AFTPH: variants seen among roughly 807,000 people sequenced by gnomAD.
AFTPH encodes the protein aftiphilin, also known as aftiphilin protein.
Under a neutral mutation model 72.5 loss-of-function variants are expected in AFTPH, and 7 were observed. The ratio of observed to expected loss-of-function variants is 0.10; its 90% CI spans 0.05 to 0.18. AFTPH has a LOEUF of 0.18. AFTPH is among the 10% of genes least tolerant of loss of function. The pLI is 1.00. For missense variants in AFTPH, 979 were observed against 1,060.5 expected, an observed-to-expected ratio of 0.92 and a Z score of 1.07; for synonymous variants, 337 against 370.1, an observed-to-expected ratio of 0.91 and a Z score of 1.03.
chr2:64,548,643 A>G (rs1306019419), intron 1 of AFTPH, among the ~76,000 whole-genome samples: 1 of 152,042 alleles, frequency 6.6e-6, no homozygotes, highest in Non-Finnish European at 1.5e-5. Context: ...TCCTTTCCCC[A>G]CATTCTCATT....
At chr2:64,538,979 G>A (rs1670046981) in intron 1 of AFTPH, among the ~76,000 whole-genome samples, 1 of 108,940 alleles carries the variant, frequency 9.2e-6, no homozygotes, top group Admixed American at 7.9e-5. Flanking sequence ...ACAGACTAGA[G>A]TGGTATTTTT....
At chr2:64,528,004 G>A (rs535207921) in intron 1 of AFTPH, among the ~76,000 whole-genome samples, 208 of 152,320 alleles carry the variant, frequency 1.4e-3, no homozygotes, top group African/African-American at 4.2e-3. Context: ...GGATAATTGA[G>A]AAGAAGAGGG....
At chr2:64,531,239 GTTGA>G (rs1277257573) in intron 1 of AFTPH, among the ~76,000 whole-genome samples, 2 of 152,018 alleles carry the variant, frequency 1.3e-5, no homozygotes, top group Admixed American at 6.6e-5. Context: ...TGACCTTATT[GTTGA>G]TTATTTTCAT....
At chr2:64,540,543 T>C (rs960146072) in intron 1 of AFTPH, among the ~76,000 whole-genome samples, 1 of 152,166 alleles carries the variant, frequency 6.6e-6, no homozygotes, top group African/African-American at 2.4e-5. Flanking sequence ...AAATTTTTCA[T>C]GGGAATTTTT....
intron 6 of AFTPH, among the ~76,000 whole-genome samples, chr2:64,575,782 AG>A (rs1306815497): frequency 2.7e-5 from 4 of 148,684 alleles, no homozygotes; most frequent in Non-Finnish European, 5.9e-5. Context: ...TCTGTCACCC[AG>A]GCTGGAGTGC....
intron 1 of AFTPH, among the ~76,000 whole-genome samples, chr2:64,548,417 A>AAAC (rs1423781243): frequency 6.7e-6 from 1 of 149,010 alleles, no homozygotes; most frequent in African/African-American, 2.4e-5. Flanking sequence ...GAAAAAAAAA[A>AAAC]AAAAAAAAAA....
intron 2 of AFTPH, among the ~76,000 whole-genome samples, chr2:64,562,127 T>C (rs981385284): frequency 1.3e-5 from 2 of 152,176 alleles, no homozygotes; most frequent in African/African-American, 4.8e-5. Flanking sequence ...GTAATACTTC[T>C]GGAGTTTCTT....
chr2:64,533,879 T>C (rs1161593144), intron 1 of AFTPH, among the ~76,000 whole-genome samples: 2 of 152,216 alleles, frequency 1.3e-5, no homozygotes, highest in East Asian at 3.8e-4. Context: ...GTAATAAAAG[T>C]GATCCTTCCT....
At chr2:64,551,903 T>C (rs200340381) in exon 2 of AFTPH, 161 of 1,613,578 alleles carry the variant, frequency 1.0e-4, no homozygotes, top group Non-Finnish European at 9.0e-5. Flanking sequence ...AGAGACAGAA[T>C]GTTGGAACAC....
chr2:64,592,307 T>G, exon 9 of AFTPH: 1 of 239,986 alleles, frequency 4.2e-6, no homozygotes, highest in Non-Finnish European at 8.0e-6. Flanking sequence ...CATTTATGTC[T>G]TTGTGAAATA....
chr2:64,525,421 C>T (rs1421815139), intron 1 of AFTPH: 1 of 154,178 alleles, frequency 6.5e-6, no homozygotes, highest in Non-Finnish European at 1.5e-5. Flanking sequence ...TGAATCTTTT[C>T]TGTTGGGGCC....
intron 1 of AFTPH, among the ~76,000 whole-genome samples, chr2:64,545,417 T>C: frequency 1.3e-5 from 2 of 150,388 alleles, no homozygotes; most frequent in Non-Finnish European, 3.0e-5. Context: ...TTATTATGTA[T>C]ATACTGTTTA....
rs531725435 is a variant in AFTPH, at chr2:64,582,924, G to C, written c.2456-2498G>C. ...GTACACAGCTGCGAGAAGAGCAAGC[G>C]GTTTCAGAAGCTTAGAGCTGTAATG... On this transcript the variant is annotated intron_variant, in intron 7 of 8. Coordinates refer to ENST00000238856, the Ensembl canonical transcript of AFTPH. 1.4e-3 allele frequency among the ~76,000 whole-genome samples: 210 copies of C among 152,262 alleles called. 9 individuals carry two copies. The South Asian group carries it at 0.043, about 31-fold the overall frequency.
chr2:64,540,029 G>T (rs1270618086), intron 1 of AFTPH, among the ~76,000 whole-genome samples: 2 of 152,176 alleles, frequency 1.3e-5, no homozygotes, highest in East Asian at 3.8e-4. Context: ...AAAAGCCCCT[G>T]AGCAAGCAGT....
intron 1 of AFTPH, among the ~76,000 whole-genome samples, chr2:64,529,999 T>C (rs768663330): frequency 1.3e-5 from 2 of 151,850 alleles, no homozygotes; most frequent in Non-Finnish European, 2.9e-5. Context: ...TCTAAAAATA[T>C]AGAAAAATTA....
At chr2:64,568,465 C>T (rs1326913457) in intron 3 of AFTPH, among the ~76,000 whole-genome samples, 1 of 152,122 alleles carries the variant, frequency 6.6e-6, no homozygotes, top group Non-Finnish European at 1.5e-5. Flanking sequence ...TACATTGCCT[C>T]GGGACTTCCC....
chr2:64,553,431 T>A (rs1487376320), intron 2 of AFTPH, 22 bp downstream of exon 2: 4 of 1,533,870 alleles, frequency 2.6e-6, no homozygotes, highest in Non-Finnish European at 3.5e-6. Context: ...TTTTCTCTAT[T>A]TTGTATGATG....
At chr2:64,529,297 A>G (rs764903582) in intron 1 of AFTPH, among the ~76,000 whole-genome samples, 2 of 145,612 alleles carry the variant, frequency 1.4e-5, no homozygotes, top group African/African-American at 5.3e-5. Flanking sequence ...TCCTATTTCA[A>G]ATTTTCTCCT....
At chr2:64,568,577 T>C (rs1672230898) in intron 3 of AFTPH, among the ~76,000 whole-genome samples, 1 of 152,298 alleles carries the variant, frequency 6.6e-6, no homozygotes, top group East Asian at 1.9e-4. Context: ...ATTCAATTTA[T>C]AGTTTAAGAT....
Sources: allele counts gnomAD v4.1 joint callset (sites outside exome capture counted in the v4.1 genomes callset), GRCh38; gene constraint gnomAD v4.1.1; transcripts MANE v1.5; gene names NCBI Gene and HGNC (gene_info 2026-07-23, HGNC 2026-07-21).